Variants in KIF16B observed in about 807,000 individuals in gnomAD.
KIF16B encodes kinesin family member 16B.
KIF16B carries 98 observed loss-of-function variants against 156.3 expected under a neutral mutation model. The ratio of observed to expected loss-of-function variants is 0.63; its 90% CI spans 0.53 to 0.74. The LOEUF (loss-of-function observed/expected upper bound fraction) is 0.74. Among genes scored for constraint, KIF16B ranks in the 30% least tolerant of loss-of-function variants. The pLI is 0.00. For synonymous variants in KIF16B, 564 were observed against 583.7 expected, an observed-to-expected ratio of 0.97 and a Z score of 0.49; for missense variants, 1,421 against 1,606.5, an observed-to-expected ratio of 0.88 and a Z score of 1.97.
chr20:16,528,381 G>T lies in KIF16B; in HGVS notation c.107C>A (p.Thr36Lys). 6.2e-7 allele frequency: 1 copy of T among 1,613,800 alleles called. No individual in the cohort carries two copies. The highest frequency in any genetic ancestry group is 8.5e-7 in the Non-Finnish European group (1 of 1,179,734). ...IQMEKSKTTITNLKIPEGGTG... is the reference protein window; with the variant it reads ...IQMEKSKTTIKNLKIPEGGTG... ...CAGGTCATGACTTGCCTTTAAGTTTGTGATTGTCGTTTTGCTTTTCTCCAT... is the reference window on the plus strand; with the variant it reads ...CAGGTCATGACTTGCCTTTAAGTTTTTGATTGTCGTTTTGCTTTTCTCCAT... Residue 36 changes from threonine (T) to lysine (K), a missense_variant, in exon 2 of 26, where the codon ACA (threonine) becomes AAA (lysine). Transcript: ENST00000354981.
chr20:16,326,080 A>C lies in KIF16B; in HGVS notation c.3711+9846T>G, dbSNP rs1283838296. Among the ~76,000 whole-genome samples the C allele has an allele frequency of 2.0e-5, 3 of 152,182 alleles. No individual in the cohort carries two copies. In the South Asian group the frequency reaches 6.2e-4, roughly 31 times the overall value. On this transcript the variant is annotated intron_variant, in intron 24 of 25. Transcript: ENST00000354981. The stretch of plus-strand genomic sequence containing the variant: ...ACCTTATTCAACAAATGGGGCTGGG[A>C]TAATTGGCAAGCCACAGGTAGAAGA...
At chr20:16,537,890 G>A (rs1395274857) in intron 1 of KIF16B, among the ~76,000 whole-genome samples, 1 of 151,788 alleles carries the variant, frequency 6.6e-6, no homozygotes, top group Admixed American at 6.6e-5. Flanking sequence ...TTTTAGTAGA[G>A]ACGGGGTTTC....
At chr20:16,385,123 G>A (rs1259781501) in intron 17 of KIF16B, among the ~76,000 whole-genome samples, 2 of 151,940 alleles carry the variant, frequency 1.3e-5, no homozygotes, top group African/African-American at 4.8e-5. Context: ...CTTGAACCCA[G>A]GAGGTGGAGG....
At chr20:16,305,366 T>C (rs931252869) in intron 25 of KIF16B, among the ~76,000 whole-genome samples, 8 of 152,186 alleles carry the variant, frequency 5.3e-5, no homozygotes, top group East Asian at 1.9e-4. Flanking sequence ...TAATCAAATA[T>C]TTCCTCTTCT....
At chr20:16,362,261 G>C (rs2123205743) in intron 22 of KIF16B, among the ~76,000 whole-genome samples, 1 of 152,296 alleles carries the variant, frequency 6.6e-6, no homozygotes, top group Non-Finnish European at 1.5e-5. Flanking sequence ...ATAAAAGGCA[G>C]GGATGCACTT....
Position 16,330,712 on chromosome 20 carries a change from A to G in KIF16B, c.3711+5214T>C, listed in dbSNP as rs146727217. Among the ~76,000 whole-genome samples the G allele has an allele frequency of 5.0e-3, 767 of 152,312 alleles. 1 individual carries two copies. The highest frequency in any genetic ancestry group is 6.9e-3 in the Admixed American group (106 of 15,288). ...AATGACACCCCTGACTCCCTGCCTC[A>G]ATAAGTTGCATCTGGACAGGCAGAA... On this transcript the variant is annotated intron_variant, in intron 24 of 25. Coordinates refer to ENST00000354981, the MANE Select transcript of KIF16B (RefSeq NM_024704.5).
At chr20:16,356,522 G>C (rs531494842) in intron 22 of KIF16B, 70 bp from the exon 23 acceptor site, 20 of 1,551,820 alleles carry the variant, frequency 1.3e-5, no homozygotes, top group Non-Finnish European at 1.8e-5. Flanking sequence ...TATCCTGCTC[G>C]GGTAGGAGGG....
At chr20:16,347,751 GGCATAA>G (rs2064260520) in intron 23 of KIF16B, among the ~76,000 whole-genome samples, 1 of 152,124 alleles carries the variant, frequency 6.6e-6, no homozygotes. Flanking sequence ...AGGTGGACAT[GGCATAA>G]GCAACACTCC....
chr20:16,378,188 A>T (rs2064998578), intron 19 of KIF16B, among the ~76,000 whole-genome samples: 1 of 152,170 alleles, frequency 6.6e-6, no homozygotes, highest in African/African-American at 2.4e-5. Flanking sequence ...AGTGCTGGTC[A>T]TGGAGAAGAT....
At chr20:16,451,976 T>C (rs1337761896) in intron 12 of KIF16B, among the ~76,000 whole-genome samples, 2 of 152,150 alleles carry the variant, frequency 1.3e-5, no homozygotes. Flanking sequence ...CCTCTTTATG[T>C]TTACTCAAAT....
chr20:16,328,122 T>C (rs2063887763), intron 24 of KIF16B, among the ~76,000 whole-genome samples: 1 of 152,206 alleles, frequency 6.6e-6, no homozygotes. Flanking sequence ...TGAAAGTCCA[T>C]CTACAAATTA....
chr20:16,565,854 C>T (rs2071234467), intron 1 of KIF16B, among the ~76,000 whole-genome samples: 1 of 152,190 alleles, frequency 6.6e-6, no homozygotes, highest in Admixed American at 6.5e-5. Context: ...TAATAAGGCC[C>T]CAAGCCACTC....
intron 12 of KIF16B, among the ~76,000 whole-genome samples, chr20:16,461,432 C>T (rs1378288241): frequency 6.6e-6 from 1 of 152,042 alleles, no homozygotes; most frequent in Admixed American, 6.6e-5. Context: ...TTAAAATAAA[C>T]AGGCCCATTT....
intron 1 of KIF16B, among the ~76,000 whole-genome samples, chr20:16,549,561 T>C (rs1377470146): frequency 6.6e-6 from 1 of 152,140 alleles, no homozygotes; most frequent in East Asian, 1.9e-4. Context: ...TACCCAGTAA[T>C]GGGATGGCTG....
At chr20:16,499,773 C>T (rs1235608367) in intron 10 of KIF16B, among the ~76,000 whole-genome samples, 1 of 152,172 alleles carries the variant, frequency 6.6e-6, no homozygotes, top group African/African-American at 2.4e-5. Context: ...AGACTCATGA[C>T]CAGCACCCCT....
chr20:16,331,833 GAGCAGATT>G (rs1372754728), intron 24 of KIF16B, among the ~76,000 whole-genome samples: 1 of 151,780 alleles, frequency 6.6e-6, no homozygotes, highest in East Asian at 1.9e-4. Flanking sequence ...CCACTTGGAG[GAGCAGATT>G]AGCATTATTT....
intron 1 of KIF16B, among the ~76,000 whole-genome samples, chr20:16,546,619 T>C (rs538208114): frequency 6.6e-6 from 1 of 152,278 alleles, no homozygotes; most frequent in East Asian, 1.9e-4. Context: ...CCAGATATCA[T>C]GAAAATACAG....
chr20:16,524,965 G>A (rs558757257), intron 3 of KIF16B, among the ~76,000 whole-genome samples: 33 of 152,220 alleles, frequency 2.2e-4, no homozygotes, highest in African/African-American at 7.2e-4. Context: ...TCATAAATGG[G>A]AGCTGAACAA....
chr20:16,344,669 G>T (rs1227641270), intron 23 of KIF16B, among the ~76,000 whole-genome samples: 2 of 152,050 alleles, frequency 1.3e-5, no homozygotes, highest in Non-Finnish European at 2.9e-5. Context: ...GCTGAAGACA[G>T]CCCCCTAGGA....
Sources: allele counts gnomAD v4.1 joint callset (sites outside exome capture counted in the v4.1 genomes callset), GRCh38; gene constraint gnomAD v4.1.1; transcripts MANE v1.5; gene names NCBI Gene and HGNC (gene_info 2026-07-23, HGNC 2026-07-21).